The following ALDH1A2 variants were observed in gnomAD, a reference collection of about 807,000 sequenced individuals.
ALDH1A2 encodes retinal dehydrogenase 2.
In ALDH1A2, 27 loss-of-function variants were observed where a neutral mutation model predicts 60.3. The observed-to-expected ratio is 0.45, with a 90% CI of 0.33 to 0.62. The LOEUF (loss-of-function observed/expected upper bound fraction) is 0.62, where lower values mean the gene tolerates loss of function less well. Ranked by LOEUF, ALDH1A2 falls within the 20% of genes least tolerant of loss-of-function variation. The probability of loss-of-function intolerance (pLI) is 0.02; values close to 1 mark genes in which losing one functional copy is unlikely to be tolerated. For synonymous variants in ALDH1A2, 289 were observed against 232.4 expected (o/e 1.24, Z -2.21); for missense variants, 581 against 643.8 (o/e 0.90, Z 1.06).
intron 4 of ALDH1A2, among the ~76,000 whole-genome samples, chr15:57,995,764 T>G (rs573072764): frequency 6.6e-6 from 1 of 152,002 alleles, no homozygotes; most frequent in Non-Finnish European, 1.5e-5. Context: ...AAACTAGACA[T>G]AGAAATGAGA....
At position 58,009,907 on chromosome 15, in the gene ALDH1A2, GCA is replaced by G. The variant is rs1228515364; in HGVS notation, c.493+740_493+741del. Among the ~76,000 whole-genome samples, 5 of 152,156 alleles carry G rather than the reference GCA, an allele frequency of 3.3e-5. No homozygotes were observed. The East Asian group carries it at 9.7e-4, about 29-fold the overall frequency. On this transcript the variant is annotated intron_variant, in intron 4 of 12. Transcript: ENST00000249750. ...GGTATTAGCTATCACTAGTATTCAA[GCA>G]CAGATAAAAATCTCTTCACTGACTG...
intron 3 of ALDH1A2, among the ~76,000 whole-genome samples, chr15:58,011,073 A>C (rs1477681522): frequency 6.6e-6 from 1 of 152,168 alleles, no homozygotes; most frequent in Non-Finnish European, 1.5e-5. Context: ...CTGCTTGTCA[A>C]AACAGCTTCC....
At chr15:58,042,751 G>A (rs1478702015) in intron 1 of ALDH1A2, among the ~76,000 whole-genome samples, 1 of 151,844 alleles carries the variant, frequency 6.6e-6, no homozygotes, top group Non-Finnish European at 1.5e-5. Context: ...CAAGACTATG[G>A]ACGTATTTAC....
At chr15:58,028,091 T>C (rs1896127691) in intron 1 of ALDH1A2, among the ~76,000 whole-genome samples, 1 of 151,806 alleles carries the variant, frequency 6.6e-6, no homozygotes, top group Non-Finnish European at 1.5e-5. Flanking sequence ...CCAAGACACA[T>C]AAATCGCCAG....
At chr15:58,043,799 C>T (rs1195241362) in intron 1 of ALDH1A2, among the ~76,000 whole-genome samples, 2 of 151,916 alleles carry the variant, frequency 1.3e-5, no homozygotes, top group South Asian at 2.1e-4. Flanking sequence ...CAGCCAAGTC[C>T]TATTAAAGCA....
rs34744827 is a variant in ALDH1A2, at chr15:57,961,240, C to T, written c.1306G>A (p.Glu436Lys). ...LRFKTMDEVIERANNSDFGLV... is the reference protein window; with the variant it reads ...LRFKTMDEVIKRANNSDFGLV... ...CCAAAGTCTGAGTTATTGGCTCTTT[C>T]GATAACTTCATCCATCGTCTTAAAT... The change falls in exon 11 of 13, where the codon GAA becomes AAA. Residue 436 changes from glutamate to lysine, a missense_variant. Transcript: ENST00000249750. 165 of 1,614,054 alleles carry T rather than the reference C, an allele frequency of 1.0e-4. 2 individuals carry two copies. Among genetic ancestry groups the T allele is most frequent in the South Asian group, 1.2e-4 (11 of 91,062 alleles).
At chr15:58,029,618 G>C (rs1262791995) in intron 1 of ALDH1A2, among the ~76,000 whole-genome samples, 1 of 150,968 alleles carries the variant, frequency 6.6e-6, no homozygotes, top group Non-Finnish European at 1.5e-5. Context: ...CCAGGAGCTG[G>C]TTTTTTGAAA....
chr15:57,965,647 C>T (rs1893869523), intron 8 of ALDH1A2, 78 bp downstream of exon 8: 4 of 1,030,402 alleles, frequency 3.9e-6, no homozygotes, highest in South Asian at 3.8e-5. Context: ...TTGCTAGTGT[C>T]CCATCAAAAG....
rs1394483021 is a variant in ALDH1A2, at chr15:58,065,695, G to A, written c.-45C>T. ...CTAGCCCGCGGCGTGGGGCAGTGCG[G>A]GCTGTGCGCGCGGTCCGCGGCCCGG... On this transcript the variant is annotated 5_prime_UTR_variant, in exon 1 of 13. Transcript: ENST00000249750. 6 of 1,377,060 alleles carry A rather than the reference G, an allele frequency of 4.4e-6. No homozygotes were observed. Among genetic ancestry groups the A allele is most frequent in the Non-Finnish European group, 4.9e-6 (5 of 1,022,176 alleles). 85.3% of individuals were successfully genotyped at this position (1,377,060 alleles called of 1,614,324 possible).
At chr15:57,963,785 G>T in intron 9 of ALDH1A2, 100 bp downstream of exon 9, 3 of 1,306,288 alleles carry the variant, frequency 2.3e-6, no homozygotes, top group South Asian at 1.3e-5. Context: ...GGAGTCAGCC[G>T]AAAAGGAAGA....
At chr15:58,012,030 G>T (rs1259559761) in intron 3 of ALDH1A2, 1 of 152,128 alleles carries the variant, frequency 6.6e-6, no homozygotes, top group Non-Finnish European at 1.5e-5. Context: ...ATTAGCTTCA[G>T]TTTTCCAGTC....
chr15:58,014,591 A>G, intron 1 of ALDH1A2: 1 of 470,946 alleles, frequency 2.1e-6, no homozygotes, highest in Non-Finnish European at 4.2e-6. Context: ...GGCAAGAGTT[A>G]TCGATAGCCC....
At chr15:57,995,285 G>C (rs1289418550) in intron 4 of ALDH1A2, 146 bp from the exon 5 acceptor site, 2 of 664,664 alleles carry the variant, frequency 3.0e-6, no homozygotes, top group Non-Finnish European at 5.2e-6. Flanking sequence ...GTGCATGAAA[G>C]CTGGTAGAAG....
intron 7 of ALDH1A2, chr15:57,980,443 C>A: frequency 2.9e-6 from 1 of 342,322 alleles, no homozygotes; most frequent in Non-Finnish European, 5.9e-6. Context: ...ATGAGGCCGG[C>A]TGCAGCTTGT....
chr15:57,989,010 T>TA (rs35117817), intron 7 of ALDH1A2, among the ~76,000 whole-genome samples: 2 of 151,672 alleles, frequency 1.3e-5, no homozygotes, highest in Admixed American at 6.6e-5. Context: ...CTACTTAAGA[T>TA]AAAAAAAATT....
intron 7 of ALDH1A2, among the ~76,000 whole-genome samples, chr15:57,970,565 G>C (rs1894030235): frequency 6.6e-6 from 1 of 152,188 alleles, no homozygotes; most frequent in African/African-American, 2.4e-5. Flanking sequence ...GGACAAAAAG[G>C]AACACAAAAG....
At chr15:57,956,956 T>C (rs1436136181) in intron 12 of ALDH1A2, among the ~76,000 whole-genome samples, 3 of 152,140 alleles carry the variant, frequency 2.0e-5, no homozygotes, top group African/African-American at 7.2e-5. Context: ...ATCCTACCGT[T>C]TGGGTGTGTG....
At chr15:58,007,023 C>G (rs542327500) in intron 4 of ALDH1A2, among the ~76,000 whole-genome samples, 8 of 151,762 alleles carry the variant, frequency 5.3e-5, no homozygotes, top group African/African-American at 4.8e-5. Context: ...ATGTGCCTTA[C>G]AGAGAAAATA....
intron 4 of ALDH1A2, among the ~76,000 whole-genome samples, chr15:57,998,628 CA>C (rs1362750083): frequency 2.0e-5 from 3 of 151,938 alleles, no homozygotes; most frequent in African/African-American, 7.3e-5. Context: ...CTATAATGCC[CA>C]AAGTAATTTA....
Sources: gnomAD v4.1 joint callset for allele counts (sites outside exome capture counted in the v4.1 genomes callset) on GRCh38, gnomAD v4.1.1 for gene constraint, MANE v1.5 for transcripts, NCBI Gene and HGNC (gene_info 2026-07-23, HGNC 2026-07-21) for gene names.